Variants in FAM83F observed in about 807,000 individuals in gnomAD.
The protein encoded by FAM83F is scaffolding CK1 anchoring protein F.
Under a neutral mutation model 42.9 loss-of-function variants are expected in FAM83F, and 45 were observed. The observed-to-expected ratio is 1.05, with a 90% CI of 0.83 to 1.35. The LOEUF (loss-of-function observed/expected upper bound fraction) is 1.35. Ranked by LOEUF, FAM83F falls within the 40% of genes most tolerant of loss-of-function variation. The pLI, the probability that FAM83F is intolerant of heterozygous loss-of-function variation, is 0.00. For missense variants in FAM83F, 617 were observed against 695.9 expected, an observed-to-expected ratio of 0.89 and a Z score of 1.28; for synonymous variants, 306 against 298.3, an observed-to-expected ratio of 1.03 and a Z score of -0.27.
chr22:40,031,252 G>C lies in FAM83F; in HGVS notation c.*1687G>C, dbSNP rs1019000275. The C allele has an allele frequency of 9.2e-5, 14 of 151,886 alleles. No homozygotes were observed. The highest frequency in any genetic ancestry group is 8.5e-4 in the Admixed American group (13 of 15,234). The allele number at this position is 151,886 out of a possible 1,614,324, so 9.4% of individuals were successfully genotyped here. A position where few individuals can be genotyped will look rare whatever the true frequency, so the allele number is the denominator to read the frequency against. On this transcript the variant is annotated 3_prime_UTR_variant, in exon 5 of 5. Coordinates refer to ENST00000333407, the MANE Select transcript of FAM83F (RefSeq NM_138435.4). Reference sequence around the variant, plus strand: ...TTCTGGAGGGGAGGGAAGGGAGAGAGGGGGGAGGTGGGATGTGGGGGTGTT... The same window carrying C: ...TTCTGGAGGGGAGGGAAGGGAGAGACGGGGGAGGTGGGATGTGGGGGTGTT...
At chr22:40,024,278 C>A (rs1352489332) in intron 4 of FAM83F, among the ~76,000 whole-genome samples, 1 of 152,182 alleles carries the variant, frequency 6.6e-6, no homozygotes, top group African/African-American at 2.4e-5. Flanking sequence ...ATTATAGGCA[C>A]AAGCCACCGC....
chr22:40,019,088 G>C (rs921851387), intron 1 of FAM83F, 80 bp from the exon 2 acceptor site: 1 of 1,537,598 alleles, frequency 6.5e-7, no homozygotes, highest in Non-Finnish European at 8.9e-7. Flanking sequence ...ACCCCAGGGC[G>C]AGGTGGTACC....
rs1009440262 is a variant in FAM83F at position 40,042,764 on chromosome 22, A to G, written c.*13199A>G. On this transcript the variant is annotated 3_prime_UTR_variant, in exon 5 of 5. Coordinates refer to ENST00000333407, the MANE Select transcript of FAM83F (RefSeq NM_138435.4). The stretch of plus-strand genomic sequence containing the variant: ...AGGACACAAAGATGAAAAAGAAACC[A>G]TCTGCTTCAAGGTACTTACAACTGA... The G allele has an allele frequency of 1.3e-5, 2 of 152,232 alleles. No homozygotes were observed. Among genetic ancestry groups the G allele is most frequent in the Non-Finnish European group, 2.9e-5 (2 of 68,032 alleles). The allele number at this position is 152,232 out of a possible 1,614,324, so 9.4% of individuals were successfully genotyped here. A position where few individuals can be genotyped will look rare whatever the true frequency, so the allele number is the denominator to read the frequency against.
At chr22:40,028,874 C>A (rs1315081179) in intron 4 of FAM83F, among the ~76,000 whole-genome samples, 1 of 152,228 alleles carries the variant, frequency 6.6e-6, no homozygotes, top group African/African-American at 2.4e-5. Flanking sequence ...CTTCTTCCAG[C>A]CTAGGCGGCC....
intron 1 of FAM83F, among the ~76,000 whole-genome samples, chr22:40,009,187 G>A (rs1289357056): frequency 2.0e-5 from 3 of 152,194 alleles, no homozygotes; most frequent in African/African-American, 7.2e-5. Context: ...AGGCGCACAT[G>A]GGTAGGTAAT....
At chr22:40,000,371 A>G (rs1258696104) in intron 1 of FAM83F, among the ~76,000 whole-genome samples, 1 of 152,144 alleles carries the variant, frequency 6.6e-6, no homozygotes, top group African/African-American at 2.4e-5. Flanking sequence ...GGATATGGTG[A>G]ACAGCTGGGA....
chr22:40,022,145 C>G (rs796692754), intron 4 of FAM83F, among the ~76,000 whole-genome samples, 182 bp downstream of exon 4: 14 of 152,310 alleles, frequency 9.2e-5, no homozygotes, highest in African/African-American at 3.4e-4. Context: ...CGGCCATTAG[C>G]TGCCTGGAGG....
At chr22:40,017,231 T>TA in intron 1 of FAM83F, among the ~76,000 whole-genome samples, 1 of 147,780 alleles carries the variant, frequency 6.8e-6, no homozygotes, top group East Asian at 2.0e-4. Context: ...CTTTCTTTTT[T>TA]TTTTTTTTTT....
At chr22:40,014,131 C>CTTTTTTTTTTT (rs57224519) in intron 1 of FAM83F, among the ~76,000 whole-genome samples, 143 of 116,812 alleles carry the variant, frequency 1.2e-3, no homozygotes, top group African/African-American at 1.4e-3. Flanking sequence ...TATTTCTTTT[C>CTTTTTTTTTTT]TTTTTTTTTT....
intron 1 of FAM83F, among the ~76,000 whole-genome samples, chr22:40,002,218 G>A (rs926723697): frequency 2.0e-5 from 3 of 152,198 alleles, no homozygotes. Flanking sequence ...TGCTGCACAG[G>A]CCCAGCCCAG....
rs1232542527 is a variant in FAM83F, at chr22:39,995,891, G to A, written c.489+360G>A. 6.6e-6 allele frequency among the ~76,000 whole-genome samples: 1 copy of A among 152,188 alleles called. No individual in the cohort carries two copies. Among genetic ancestry groups the A allele is most frequent in the Non-Finnish European group, 1.5e-5 (1 of 68,034 alleles). On this transcript the variant is annotated intron_variant, in intron 1 of 4. Coordinates refer to ENST00000333407, the MANE Select transcript of FAM83F (RefSeq NM_138435.4). The surrounding 1 kb of genome is among the most constrained non-coding windows in gnomAD (Gnocchi z 4.6). ...CTCAAAGGTCTTGATGATAACCTAC[G>A]TGCTGCCCAGAACATATCCCGAGCC... is the stretch of plus-strand genomic sequence containing the variant.
rs2067505745 is a variant in FAM83F at position 40,019,091 on chromosome 22, G to A, written c.490-77G>A. The A allele has an allele frequency of 8.4e-6, 13 of 1,553,628 alleles. No homozygotes were observed. The South Asian group carries it at 1.4e-4, about 17-fold the overall frequency. ...TGGCCACCAGTGACCCCAGGGCGAG[G>A]TGGTACCATCTGAGCAGGGCATGCC... On this transcript the variant is annotated intron_variant, in intron 1 of 4. Coordinates refer to ENST00000333407, the MANE Select transcript of FAM83F (RefSeq NM_138435.4).
rs2067620726 is a variant in FAM83F, at chr22:40,035,824, T to C, written c.*6259T>C. On this transcript the variant is annotated 3_prime_UTR_variant, in exon 5 of 5. Coordinates refer to ENST00000333407, the MANE Select transcript of FAM83F (RefSeq NM_138435.4). ...TAGCACAGGGGCTGACGCAAACAGC[T>C]GGGCATCGGAGGAGCCTCCAGGGTT... 6.6e-6 allele frequency: 1 copy of C among 152,182 alleles called. No individual in the cohort carries two copies. Among genetic ancestry groups the C allele is most frequent in the African/African-American group, 2.4e-5 (1 of 41,424 alleles). The allele number at this position is 152,182 out of a possible 1,614,324, so 9.4% of individuals were successfully genotyped here.
intron 1 of FAM83F, among the ~76,000 whole-genome samples, chr22:40,017,205 G>A (rs972148106): frequency 6.6e-6 from 1 of 151,878 alleles, no homozygotes. Context: ...CCTGGTGGCA[G>A]GTGCTGCTCT....
At position 40,042,370 on chromosome 22, in the gene FAM83F, C is replaced by G. The variant is rs2146254666; in HGVS notation, c.*12805C>G. The G allele has an allele frequency of 6.6e-6, 1 of 152,304 alleles. No individual in the cohort carries two copies. The highest frequency in any genetic ancestry group is 2.1e-4 in the South Asian group (1 of 4,830). 9.4% of individuals were successfully genotyped at this position (152,304 alleles called of 1,614,324 possible). A position where few individuals can be genotyped will look rare whatever the true frequency, so the allele number is the denominator to read the frequency against. ...TTGGCCATCTCTGGATATTCCCATT[C>G]TGCTCCCTGCCACCAGAGAGCAAAT... On this transcript the variant is annotated 3_prime_UTR_variant, in exon 5 of 5. Coordinates refer to ENST00000333407, the MANE Select transcript of FAM83F (RefSeq NM_138435.4).
chr22:40,001,555 G>T (rs2067402005), intron 1 of FAM83F, among the ~76,000 whole-genome samples: 1 of 152,130 alleles, frequency 6.6e-6, no homozygotes, highest in Non-Finnish European at 1.5e-5. Context: ...GGGTAGGTAG[G>T]AGGATTGCTT....
intron 4 of FAM83F, among the ~76,000 whole-genome samples, chr22:40,029,251 G>A (rs1451741977): frequency 2.0e-5 from 3 of 152,056 alleles, no homozygotes; most frequent in South Asian, 2.1e-4. Flanking sequence ...ATCCTTCCCC[G>A]ACCCCTCTTT....
At chr22:40,017,754 A>C (rs1359421580) in intron 1 of FAM83F, among the ~76,000 whole-genome samples, 1 of 152,164 alleles carries the variant, frequency 6.6e-6, no homozygotes, top group Non-Finnish European at 1.5e-5. Context: ...GACTTATTAC[A>C]TGCCAGAGGT....
rs557400076 is a variant in FAM83F, at chr22:39,995,005, G to GGGGCCGGGGCCAGGGCCGGGGCCA, written c.-15_-14insAGGGCCGGGGCCAGGGCCGGGGCC. On this transcript the variant is annotated 5_prime_UTR_variant, in exon 1 of 5. Transcript: ENST00000333407. This position sits in a 1 kb window ranked among gnomAD's most constrained non-coding sequence, Gnocchi z 4.6. The stretch of plus-strand genomic sequence containing the variant: ...CGGCTGTGGGACCTCGGACCGCGGC[G>GGGGCCGGGGCCAGGGCCGGGGCCA]GGGCCGGGGCCAGGGCCGGGGCCGG... 8.1e-7 allele frequency: 1 copy of GGGGCCGGGGCCAGGGCCGGGGCCA among 1,232,786 alleles called. No homozygotes were observed. Among genetic ancestry groups the GGGGCCGGGGCCAGGGCCGGGGCCA allele is most frequent in the African/African-American group, 1.6e-5 (1 of 62,486 alleles). The allele number at this position is 1,232,786 out of a possible 1,614,324, so 76.4% of individuals were successfully genotyped here.
Sources: allele counts gnomAD v4.1 joint callset (sites outside exome capture counted in the v4.1 genomes callset), GRCh38; gene constraint gnomAD v4.1.1; non-coding constraint Gnocchi (gnomAD v3.1); transcripts MANE v1.5; gene names NCBI Gene and HGNC (gene_info 2026-07-23, HGNC 2026-07-21).